ELAC2: variants seen among roughly 807,000 people sequenced by gnomAD.
ELAC2 encodes the protein elaC ribonuclease Z 2, also known as zinc phosphodiesterase ELAC protein 2.
A neutral mutation model predicts 105.2 loss-of-function variants in ELAC2; 92 were observed. The observed-to-expected ratio is 0.87, with a 90% CI of 0.74 to 1.04. The LOEUF is 1.04. Ranked by LOEUF, ELAC2 falls within the 50% of genes least tolerant of loss-of-function variation. The pLI, the probability that ELAC2 is intolerant of heterozygous loss-of-function variation, is 0.00. For synonymous variants in ELAC2, 468 were observed against 409.1 expected (o/e 1.14, Z -1.74); for missense variants, 1,099 against 1,071.7 (o/e 1.03, Z -0.36).
Position 12,995,983 on chromosome 17 carries a change from C to T in ELAC2, c.1660-5G>A, listed in dbSNP as rs931276557. The T allele has an allele frequency of 3.1e-6, 5 of 1,593,068 alleles. No individual in the cohort carries two copies. The African/African-American group carries it at 6.7e-5, about 21-fold the overall frequency. ...CAGCAAGATACTTGGCAAGCCCTGG[C>T]AAGGAAACAGGAGACATGCGTCAGC... is the stretch of plus-strand genomic sequence containing the variant. On this transcript the variant is annotated splice_polypyrimidine_tract_variant and splice_region_variant and intron_variant, in intron 17 of 23. Transcript: ENST00000338034.
chr17:13,013,752 G>A (rs1342041445), intron 5 of ELAC2, among the ~76,000 whole-genome samples: 2 of 152,224 alleles, frequency 1.3e-5, no homozygotes, highest in East Asian at 1.9e-4. Flanking sequence ...TCAAGAGGCT[G>A]TAAGCCCCCC....
rs562016570 is a variant in ELAC2, at chr17:13,017,304, G to C, written c.246-183C>G. ...TTGAGCCCTCCTTAGCAGAGGTGGAGAGGAGTGGGGGCCTGTGTGTGTGGG... is the reference window on the plus strand; with the variant it reads ...TTGAGCCCTCCTTAGCAGAGGTGGACAGGAGTGGGGGCCTGTGTGTGTGGG... On this transcript the variant is annotated intron_variant, in intron 1 of 23. Coordinates refer to ENST00000338034, the MANE Select transcript of ELAC2 (RefSeq NM_018127.7). The C allele has an allele frequency of 3.9e-5, 27 of 689,818 alleles. No homozygotes were observed. The East Asian group carries it at 4.6e-4, about 12-fold the overall frequency. 42.7% of individuals were successfully genotyped at this position (689,818 alleles called of 1,614,324 possible).
intron 14 of ELAC2, among the ~76,000 whole-genome samples, chr17:13,001,173 G>GA (rs2040785086): frequency 6.6e-6 from 1 of 152,130 alleles, no homozygotes; most frequent in African/African-American, 2.4e-5. Context: ...GAGTGGGCAG[G>GA]AAACTTAAAA....
rs764570495 is a variant in ELAC2 at position 12,995,783 on chromosome 17, C to CA, written c.1727dup (p.Leu576PhefsTer40). 8.7e-6 allele frequency: 14 copies of CA among 1,612,572 alleles called. No individual in the cohort carries two copies. Among genetic ancestry groups the CA allele is most frequent in the Non-Finnish European group, 1.1e-5 (13 of 1,179,446 alleles). On this transcript the variant is annotated frameshift_variant, in exon 19 of 24. Coordinates refer to ENST00000338034, the MANE Select transcript of ELAC2 (RefSeq NM_018127.7). LOFTEE classifies it high-confidence loss of function. ...TGAGCTGGTTGGGGGCAACCACCAGCAAAGGGTGAAGCGGCTTTCCCAAAG... is the reference window on the plus strand; with the variant it reads ...TGAGCTGGTTGGGGGCAACCACCAGCAAAAGGGTGAAGCGGCTTTCCCAAAG...
At position 13,008,981 on chromosome 17, in the gene ELAC2, G is replaced by C. The variant is rs554146454; in HGVS notation, c.738+1632C>G. On this transcript the variant is annotated intron_variant, in intron 8 of 23. Coordinates refer to ENST00000338034, the MANE Select transcript of ELAC2 (RefSeq NM_018127.7). ...AAGTGAGCTTGTCACTTTTCATCAT[G>C]CTCACTGTTACCTATTCCGGAAAGC... 6.6e-5 allele frequency among the ~76,000 whole-genome samples: 10 copies of C among 152,294 alleles called. No individual in the cohort carries two copies. In the South Asian group the frequency reaches 2.1e-3, roughly 32 times the overall value.
intron 8 of ELAC2, among the ~76,000 whole-genome samples, chr17:13,008,186 C>T (rs375126891): frequency 4.6e-5 from 7 of 151,172 alleles, no homozygotes; most frequent in South Asian, 4.2e-4. Context: ...GGCAACAGAG[C>T]GAGACTCCAT....
intron 14 of ELAC2, among the ~76,000 whole-genome samples, chr17:13,001,496 A>AAAAT (rs983008081): frequency 2.0e-5 from 3 of 151,838 alleles, no homozygotes; most frequent in African/African-American, 4.8e-5. Context: ...CCGTCTCAAA[A>AAAAT]AAATAAATAA....
intron 3 of ELAC2, among the ~76,000 whole-genome samples, chr17:13,016,051 AG>A (rs879649833): frequency 4.8e-4 from 73 of 152,230 alleles, no homozygotes; most frequent in Non-Finnish European, 8.5e-4. Context: ...AGCTGTCACT[AG>A]GGTGAAGCAG....
chr17:12,994,814 T>G lies in ELAC2; in HGVS notation c.1979A>C (p.Lys660Thr). 6.2e-7 allele frequency: 1 copy of G among 1,614,038 alleles called. No homozygotes were observed. The highest frequency in any genetic ancestry group is 8.5e-7 in the Non-Finnish European group (1 of 1,180,036). ...CATGGTGTCCCCGGAATAGACCACT[T>G]TCCAGCCAGAGGTGTGCACCAGCGC... The part of the protein sequence containing the change: ...GCALVHTSGW[K>T]VVYSGDTMPC... The change falls in exon 21 of 24, where the codon AAA (lysine) becomes ACA (threonine). Residue 660 changes from lysine (K) to threonine (T), a missense_variant. Physicochemically the swap from Lys to Thr is moderately conservative, Grantham distance 78. Coordinates refer to ENST00000338034, the MANE Select transcript of ELAC2 (RefSeq NM_018127.7).
At chr17:12,996,970 G>A (rs73296591) in intron 16 of ELAC2, among the ~76,000 whole-genome samples, 115 of 152,008 alleles carry the variant, frequency 7.6e-4, no homozygotes, top group African/African-American at 2.6e-3. Context: ...GTTTATAGGA[G>A]GCTTAAAGCA....
intron 6 of ELAC2, 61 bp from the exon 7 acceptor site, chr17:13,011,843 C>G: frequency 6.2e-7 from 1 of 1,613,200 alleles, no homozygotes; most frequent in East Asian, 2.2e-5. Context: ...AGCCAAGGCC[C>G]AGACGTTCAT....
At chr17:13,002,391 AAG>A (rs1361111463) in intron 13 of ELAC2, 32 bp from the exon 14 acceptor site, 5 of 1,614,016 alleles carry the variant, frequency 3.1e-6, no homozygotes, top group Non-Finnish European at 4.2e-6. Context: ...CATGGAGAGA[AAG>A]AGAGGGGACG....
Position 13,002,479 on chromosome 17 carries a change from G to A in ELAC2, c.1180C>T (p.Pro394Ser). Residue 394 changes from proline to serine, a missense_variant, in exon 13 of 24, where the codon CCG becomes TCG. By Grantham distance (74) the Pro-to-Ser change is moderately conservative (BLOSUM62 -1). Transcript: ENST00000338034. ...KIQTQLNLIH[P>S]DIFPLLTSFR... ...CTGGTGAGCAGGGGGAAGATGTCCG[G>A]GTGGATGAGGTTGAGCTGGGTTTGA... is the stretch of plus-strand genomic sequence containing the variant. 1.9e-6 allele frequency: 3 copies of A among 1,608,914 alleles called. No individual in the cohort carries two copies. The highest frequency in any genetic ancestry group is 2.5e-6 in the Non-Finnish European group (3 of 1,177,320).
At chr17:13,003,613 T>G (rs781277641) in intron 11 of ELAC2, 39 bp from the exon 12 acceptor site, 1 of 1,582,606 alleles carries the variant, frequency 6.3e-7, no homozygotes, top group Admixed American at 1.7e-5. Flanking sequence ...TGATGCAGAC[T>G]CAGGACACAC....
In ELAC2 at chr17:12,993,670, C is replaced by T. The variant is rs747196582; in HGVS notation, c.2253+17G>A. 1 of 1,614,118 alleles carries T rather than the reference C, an allele frequency of 6.2e-7. No individual in the cohort carries two copies. The stretch of plus-strand genomic sequence containing the variant: ...CTGCCCCGTCCCCGCCCTGTGCTGT[C>T]CGTGTGACATACAGACCTTCATGTG... On this transcript the variant is annotated intron_variant, in intron 23 of 23. Transcript: ENST00000338034.
chr17:12,994,344 G>A (rs1312917729), intron 22 of ELAC2, 81 bp downstream of exon 22: 9 of 1,507,622 alleles, frequency 6.0e-6, no homozygotes, highest in South Asian at 3.4e-5. Context: ...CACATCAGTG[G>A]AGACAAACGA....
intron 11 of ELAC2, among the ~76,000 whole-genome samples, chr17:13,004,336 T>G (rs536967658): frequency 6.6e-6 from 1 of 152,088 alleles, no homozygotes; most frequent in South Asian, 2.1e-4. Flanking sequence ...CCAAAAGGAT[T>G]TGTTGTGGTA....
chr17:13,015,738 C>CT, intron 4 of ELAC2, 30 bp downstream of exon 4: 1 of 1,592,778 alleles, frequency 6.3e-7, no homozygotes. Context: ...GGAAAGATTG[C>CT]TTTTGAAAGA....
In ELAC2 at chr17:12,997,974, C is replaced by T. The variant is rs1046859946; in HGVS notation, c.1520+438G>A. On this transcript the variant is annotated intron_variant, in intron 16 of 23. Coordinates refer to ENST00000338034, the MANE Select transcript of ELAC2 (RefSeq NM_018127.7). ...ATACTACCAACAAATGGCTGGGGGACAATACCATGTAGCAATCAAGACCCC... is the reference window on the plus strand; with the variant it reads ...ATACTACCAACAAATGGCTGGGGGATAATACCATGTAGCAATCAAGACCCC... Among the ~76,000 whole-genome samples, 5 of 152,158 alleles carry T rather than the reference C, an allele frequency of 3.3e-5. No homozygotes were observed. In the East Asian group the frequency reaches 9.6e-4, roughly 29 times the overall value.
Sources: allele counts gnomAD v4.1 joint callset (sites outside exome capture counted in the v4.1 genomes callset), GRCh38; gene constraint gnomAD v4.1.1; transcripts MANE v1.5; gene names NCBI Gene and HGNC (gene_info 2026-07-23, HGNC 2026-07-21).